The following CHD7 variants were observed in gnomAD, a reference collection of about 807,000 sequenced individuals.
The protein encoded by CHD7 is ATP-dependent chromatin remodeler CHD7.
Under a neutral mutation model 307.3 loss-of-function variants are expected in CHD7, and 24 were observed. The observed-to-expected ratio is 0.08, with a 90% CI of 0.06 to 0.11. The LOEUF (loss-of-function observed/expected upper bound fraction) is 0.11, where lower values mean the gene tolerates loss of function less well. Ranked by LOEUF, CHD7 falls within the 10% of genes least tolerant of loss-of-function variation. The probability of loss-of-function intolerance (pLI) is 1.00; values close to 1 mark genes in which losing one functional copy is unlikely to be tolerated. For missense variants in CHD7, 3,106 were observed against 3,727.1 expected, an observed-to-expected ratio of 0.83 and a Z score of 4.34; for synonymous variants, 1,363 against 1,349.9, an observed-to-expected ratio of 1.01 and a Z score of -0.21.
At chr8:60,759,848 C>T (rs1258635150) in intron 2 of CHD7, among the ~76,000 whole-genome samples, 1 of 152,130 alleles carries the variant, frequency 6.6e-6, no homozygotes, top group Non-Finnish European at 1.5e-5. Context: ...TGGAGGACGG[C>T]TGGGTCTTAT....
intron 2 of CHD7, among the ~76,000 whole-genome samples, chr8:60,772,232 T>A (rs917285821): frequency 1.3e-5 from 2 of 152,214 alleles, no homozygotes; most frequent in African/African-American, 2.4e-5. Context: ...AAATTGATTT[T>A]TTTTCCCTTC....
At chr8:60,732,886 T>C (rs936377307) in intron 1 of CHD7, among the ~76,000 whole-genome samples, 2 of 152,174 alleles carry the variant, frequency 1.3e-5, no homozygotes, top group African/African-American at 2.4e-5. Flanking sequence ...TTTCTAGACC[T>C]GTCTCTTCAT....
chr8:60,735,790 A>G (rs1209130980), intron 1 of CHD7, among the ~76,000 whole-genome samples: 4 of 152,248 alleles, frequency 2.6e-5, no homozygotes, highest in African/African-American at 2.4e-5. Flanking sequence ...AAGAAGAAAT[A>G]CATAGGAGTG....
In CHD7 at chr8:60,853,107, C is replaced by T; in HGVS notation, c.6382C>T (p.His2128Tyr). The T allele has an allele frequency of 1.2e-6, 2 of 1,613,884 alleles. No individual in the cohort carries two copies. Among genetic ancestry groups the T allele is most frequent in the Non-Finnish European group, 1.7e-6 (2 of 1,179,868 alleles). The change falls in exon 31 of 38, where the codon CAT becomes TAT. Residue 2128 changes from histidine to tyrosine, a missense_variant. Physicochemically the swap from His to Tyr is moderately conservative, Grantham distance 83. Coordinates refer to ENST00000423902, the MANE Select transcript of CHD7 (RefSeq NM_017780.4). ...NDPELSFLDA[H>Y]KNFAQNRGAG... Reference sequence around the variant, plus strand: ...CCCTGAGTTATCCTTCTTGGATGCACATAAAAACTTTGCTCAAAACAGAGG... The same window carrying T: ...CCCTGAGTTATCCTTCTTGGATGCATATAAAAACTTTGCTCAAAACAGAGG...
intron 1 of CHD7, among the ~76,000 whole-genome samples, chr8:60,692,776 T>A (rs141986551): frequency 2.0e-5 from 3 of 152,306 alleles, no homozygotes; most frequent in Admixed American, 1.3e-4. Context: ...TTCCCTTCCA[T>A]GCTGCCTCAG....
chr8:60,857,247 T>G (rs1805759024), intron 34 of CHD7, among the ~76,000 whole-genome samples: 1 of 152,218 alleles, frequency 6.6e-6, no homozygotes, highest in South Asian at 2.1e-4. Context: ...TTAAAATTAG[T>G]ATAAATGTTT....
rs1458738552 is a variant in CHD7 at position 60,700,797 on chromosome 8, T to TA, written c.-175+21717dup. Among the ~76,000 whole-genome samples the TA allele has an allele frequency of 2.6e-5, 4 of 152,322 alleles. No individual in the cohort carries two copies. The East Asian group carries it at 7.7e-4, about 29-fold the overall frequency. On this transcript the variant is annotated intron_variant, in intron 1 of 37. Coordinates refer to ENST00000423902, the MANE Select transcript of CHD7 (RefSeq NM_017780.4). ...ACCATAGTATTTTGGGAAAGCGACT[T>TA]AAGTTCTGAAGAGGGCCCAGTGCCG...
intron 3 of CHD7, among the ~76,000 whole-genome samples, chr8:60,784,184 A>AT (rs1409035596): frequency 2.0e-5 from 3 of 152,242 alleles, no homozygotes; most frequent in African/African-American, 7.2e-5. Context: ...GGTTTGGGTT[A>AT]TGTTAGTACT....
In CHD7 at chr8:60,867,579, G is replaced by A. The variant is rs1806280424; in HGVS notation, c.*1646G>A. 6.6e-6 allele frequency: 1 copy of A among 152,152 alleles called. No individual in the cohort carries two copies. Among genetic ancestry groups the A allele is most frequent in the Admixed American group, 6.5e-5 (1 of 15,268 alleles). The allele number at this position is 152,152 out of a possible 1,614,324, so 9.4% of individuals were successfully genotyped here. A position where few individuals can be genotyped will look rare whatever the true frequency, so the allele number is the denominator to read the frequency against. ...ATATTTCCATCCAGTTAAAAAGCAG[G>A]GGAAGGGATGTGGACGAGAGTGTTT... On this transcript the variant is annotated 3_prime_UTR_variant, in exon 38 of 38. Transcript: ENST00000423902.
intron 5 of CHD7, 70 bp from the exon 6 acceptor site, chr8:60,801,458 G>T (rs1427759363): frequency 8.6e-7 from 1 of 1,164,030 alleles, no homozygotes; most frequent in Non-Finnish European, 1.3e-6. Context: ...AAAGGGGAAT[G>T]ATTTCTTGCT....
intron 8 of CHD7, among the ~76,000 whole-genome samples, chr8:60,817,637 A>T (rs1047705974): frequency 6.6e-6 from 1 of 152,224 alleles, no homozygotes; most frequent in Non-Finnish European, 1.5e-5. Context: ...ATGTGACTCA[A>T]TTCATAGATC....
chr8:60,714,851 G>A (rs1355292502), intron 1 of CHD7, among the ~76,000 whole-genome samples: 1 of 152,248 alleles, frequency 6.6e-6, no homozygotes, highest in African/African-American at 2.4e-5. Context: ...AGGGGAAAAG[G>A]GGATGGTAAT....
rs1804805257 is a variant in CHD7, at chr8:60,837,850, G to A, written c.4353+15G>A. The A allele has an allele frequency of 3.1e-6, 5 of 1,596,384 alleles. No individual in the cohort carries two copies. The highest frequency in any genetic ancestry group is 1.3e-5 in the African/African-American group (1 of 74,260). Reference sequence around the variant, plus strand: ...CTACCAATGGGGTAAAACCACCCTTGCCCAAACCATTTATTTATTCTGGCA... The same window carrying A: ...CTACCAATGGGGTAAAACCACCCTTACCCAAACCATTTATTTATTCTGGCA... On this transcript the variant is annotated intron_variant, in intron 18 of 37. Transcript: ENST00000423902.
At chr8:60,821,971 T>C (rs1402449947) in intron 10 of CHD7, 44 bp downstream of exon 10, 3 of 1,613,432 alleles carry the variant, frequency 1.9e-6, no homozygotes, top group Non-Finnish European at 2.5e-6. Context: ...GAAAATAGCA[T>C]AGTGGTGTGG....
intron 1 of CHD7, among the ~76,000 whole-genome samples, chr8:60,695,687 T>C (rs1806432283): frequency 6.6e-6 from 1 of 152,216 alleles, no homozygotes; most frequent in South Asian, 2.1e-4. Context: ...CAGTCAAGGA[T>C]ATAAGCAGGT....
intron 19 of CHD7, among the ~76,000 whole-genome samples, chr8:60,841,235 C>G (rs1563648148): frequency 6.6e-6 from 1 of 152,264 alleles, no homozygotes; most frequent in Non-Finnish European, 1.5e-5. Context: ...CCCCTTTACT[C>G]TCTGTGCCTT....
rs146167292 is a variant in CHD7, at chr8:60,681,558, A to G, written c.-175+2476A>G. 2.1e-3 allele frequency among the ~76,000 whole-genome samples: 316 copies of G among 152,352 alleles called. 1 individual carries two copies. Among genetic ancestry groups the G allele is most frequent in the African/African-American group, 7.3e-3 (303 of 41,572 alleles). ...TTCCCTGAAAAATCTGTCTTGTAGA[A>G]AAAAGTTATAGTAAAATAATTTGGA... On this transcript the variant is annotated intron_variant, in intron 1 of 37. Coordinates refer to ENST00000423902, the MANE Select transcript of CHD7 (RefSeq NM_017780.4).
rs1812337615 is a variant in CHD7, at chr8:60,802,019, CA to C, written c.2442+427del. Among the ~76,000 whole-genome samples, 3 of 152,294 alleles carry C rather than the reference CA, an allele frequency of 2.0e-5. No individual in the cohort carries two copies. In the South Asian group the frequency reaches 6.2e-4, roughly 32 times the overall value. On this transcript the variant is annotated intron_variant, in intron 6 of 37. Coordinates refer to ENST00000423902, the MANE Select transcript of CHD7 (RefSeq NM_017780.4). ...AGGTGTTTTCTCATGTGTTTTGTAA[CA>C]TTTTCTCATATACAATTGAATTATT...
chr8:60,779,340 C>T (rs1811095098), intron 2 of CHD7, among the ~76,000 whole-genome samples: 1 of 152,084 alleles, frequency 6.6e-6, no homozygotes, highest in Admixed American at 6.5e-5. Flanking sequence ...AACCTGTGAG[C>T]CTTTCCCAGA....
Sources: allele counts gnomAD v4.1 joint callset (sites outside exome capture counted in the v4.1 genomes callset), GRCh38; gene constraint gnomAD v4.1.1; transcripts MANE v1.5; gene names NCBI Gene and HGNC (gene_info 2026-07-23, HGNC 2026-07-21).